Variants in RPAIN observed in about 807,000 individuals in gnomAD.
RPAIN encodes the protein RPA interacting protein.
RPAIN carries 29 observed loss-of-function variants against 30.5 expected under a neutral mutation model. The ratio of observed to expected loss-of-function variants is 0.95; its 90% CI spans 0.71 to 1.30. The LOEUF (loss-of-function observed/expected upper bound fraction) is 1.30, where lower values mean the gene tolerates loss of function less well. Among genes scored for constraint, RPAIN ranks in the 50% most tolerant of loss-of-function variants. The pLI is 0.00. For synonymous variants in RPAIN, 101 were observed against 93.5 expected, an observed-to-expected ratio of 1.08 and a Z score of -0.46; for missense variants, 247 against 264.7, an observed-to-expected ratio of 0.93 and a Z score of 0.46.
intron 6 of RPAIN, 56 bp from the exon 7 acceptor site, chr17:5,432,486 A>C: frequency 1.2e-5 from 18 of 1,492,060 alleles, no homozygotes; most frequent in Non-Finnish European, 1.7e-5. Flanking sequence ...CTTTTATCAG[A>C]TATCTTTCAT....
intron 3 of RPAIN, 87 bp from the exon 4 acceptor site, chr17:5,425,884 G>A: frequency 3.7e-6 from 3 of 815,768 alleles, no homozygotes; most frequent in Non-Finnish European, 6.0e-6. Context: ...TCCCTCGTGT[G>A]AAGGAAGCCT....
At chr17:5,420,927 A>ATGTTCTG (rs1914727436) in intron 1 of RPAIN, among the ~76,000 whole-genome samples, 1 of 152,228 alleles carries the variant, frequency 6.6e-6, no homozygotes, top group South Asian at 2.1e-4. Context: ...TTGGGGGACA[A>ATGTTCTG]AACCTCCCTG....
intron 1 of RPAIN, 148 bp from the exon 2 acceptor site, chr17:5,421,148 G>A (rs771324249): frequency 5.6e-6 from 4 of 711,398 alleles, no homozygotes; most frequent in Admixed American, 3.0e-5. Flanking sequence ...TCTCTACAGA[G>A]GAATATGCAA....
intron 1 of RPAIN, 109 bp downstream of exon 1, chr17:5,420,400 G>T: frequency 1.1e-6 from 1 of 942,102 alleles, no homozygotes. Context: ...CAGCGCGCCT[G>T]GTCTGGTCAA....
chr17:5,421,223 A>G, intron 1 of RPAIN, 73 bp from the exon 2 acceptor site: 1 of 1,439,200 alleles, frequency 6.9e-7, no homozygotes, highest in Non-Finnish European at 9.4e-7. Flanking sequence ...ATGTTTTCTC[A>G]ACTAATGTAA....
At position 5,432,797 on chromosome 17, in the gene RPAIN, TTA is replaced by T. The variant is rs1916115366; in HGVS notation, c.*228_*229del. 1.3e-6 allele frequency: 1 copy of T among 799,148 alleles called. No individual in the cohort carries two copies. Among genetic ancestry groups the T allele is most frequent in the African/African-American group, 1.7e-5 (1 of 57,474 alleles). 49.5% of individuals were successfully genotyped at this position (799,148 alleles called of 1,614,324 possible). A position where few individuals can be genotyped will look rare whatever the true frequency, so the allele number is the denominator to read the frequency against. ...CTGCCTTGGAGGAGATAAACCAATT[TTA>T]TGTCTATCATGTTATACAAAAATCT... is the stretch of plus-strand genomic sequence containing the variant. On this transcript the variant is annotated 3_prime_UTR_variant, in exon 7 of 7. Coordinates refer to ENST00000381209, the MANE Select transcript of RPAIN (RefSeq NM_001033002.4).
rs1235989929 is a variant in RPAIN at position 5,432,863 on chromosome 17, T to C, written c.*292T>C. 3.0e-6 allele frequency: 3 copies of C among 993,048 alleles called. No homozygotes were observed. The highest frequency in any genetic ancestry group is 4.3e-6 in the Non-Finnish European group (3 of 705,650). The allele number at this position is 993,048 out of a possible 1,614,324, so 61.5% of individuals were successfully genotyped here. On this transcript the variant is annotated 3_prime_UTR_variant, in exon 7 of 7. Coordinates refer to ENST00000381209, the MANE Select transcript of RPAIN (RefSeq NM_001033002.4). Reference sequence around the variant, plus strand: ...TTGTACAGAAAAAAATGATAATAAATGAGAACACAAAACATATAATTTAAA... The same window carrying C: ...TTGTACAGAAAAAAATGATAATAAACGAGAACACAAAACATATAATTTAAA...
chr17:5,432,361 CAG>C (rs923463822), intron 6 of RPAIN, 179 bp from the exon 7 acceptor site: 17 of 607,510 alleles, frequency 2.8e-5, no homozygotes, highest in African/African-American at 7.4e-5. Context: ...GGCTGCAGGA[CAG>C]AGGTCCAGCA....
At chr17:5,421,020 T>C (rs1914742319) in intron 1 of RPAIN, among the ~76,000 whole-genome samples, 2 of 152,210 alleles carry the variant, frequency 1.3e-5, no homozygotes, top group African/African-American at 4.8e-5. Flanking sequence ...ATAAATGTTC[T>C]GTAATAGGAC....
In RPAIN at chr17:5,421,167, C is replaced by G; in HGVS notation, c.82-129C>G. The G allele has an allele frequency of 6.1e-6, 5 of 823,168 alleles. No homozygotes were observed. In the South Asian group the frequency reaches 9.5e-5, roughly 16 times the overall value. 51.0% of individuals were successfully genotyped at this position (823,168 alleles called of 1,614,324 possible). A position where few individuals can be genotyped will look rare whatever the true frequency, so the allele number is the denominator to read the frequency against. Reference sequence around the variant, plus strand: ...TACAGAGGAATATGCAAAAGTAACACTAGTTAGTATTATCATTGAAATTTT... The same window carrying G: ...TACAGAGGAATATGCAAAAGTAACAGTAGTTAGTATTATCATTGAAATTTT... On this transcript the variant is annotated intron_variant, in intron 1 of 6. Transcript: ENST00000381209.
intron 6 of RPAIN, chr17:5,429,820 A>C: frequency 1.1e-6 from 1 of 941,462 alleles, no homozygotes; most frequent in Non-Finnish European, 1.3e-6. Flanking sequence ...ACAAATATTT[A>C]CCAAGCACTA....
At chr17:5,432,485 G>A in intron 6 of RPAIN, 57 bp from the exon 7 acceptor site, 5 of 1,490,888 alleles carry the variant, frequency 3.4e-6, no homozygotes, top group Non-Finnish European at 4.7e-6. Context: ...ACTTTTATCA[G>A]ATATCTTTCA....
At position 5,426,040 on chromosome 17, in the gene RPAIN, C is replaced by G; in HGVS notation, c.383C>G (p.Ala128Gly). 6.2e-6 allele frequency: 10 copies of G among 1,613,848 alleles called. No individual in the cohort carries two copies. The highest frequency in any genetic ancestry group is 1.1e-5 in the South Asian group (1 of 91,004). Residue 128 changes from alanine to glycine, a missense_variant, in exon 4 of 7, where the codon GCT (alanine) becomes GGT (glycine). Physicochemically the swap from Ala to Gly is moderately conservative, Grantham distance 60. Transcript: ENST00000381209. ...FDEKCLSIML[A>G]EWEANPLICP... ...GAAAAGTGTCTCAGCATCATGCTGG[C>G]TGAGTGGGAGGCAAACCCACTCATC...
intron 6 of RPAIN, 61 bp from the exon 7 acceptor site, chr17:5,432,461 TCTCATTGATTACAACTTTTA>T: frequency 7.6e-7 from 1 of 1,322,644 alleles, no homozygotes; most frequent in Non-Finnish European, 1.1e-6. Context: ...TGTGTAGAAT[TCTCATTGATTACAACTTTTA>T]TCAGATATCT....
chr17:5,432,636 T>C lies in RPAIN; in HGVS notation c.*65T>C, dbSNP rs951986046. The C allele has an allele frequency of 3.6e-6, 5 of 1,392,300 alleles. No homozygotes were observed. Among genetic ancestry groups the C allele is most frequent in the African/African-American group, 1.4e-5 (1 of 69,992 alleles). 86.2% of individuals were successfully genotyped at this position (1,392,300 alleles called of 1,614,324 possible). ...AACTCATTCCCTCTGAGGAGCCTTG[T>C]ACATACAAGCCTTTTATTTATAACT... On this transcript the variant is annotated 3_prime_UTR_variant, in exon 7 of 7. Coordinates refer to ENST00000381209, the MANE Select transcript of RPAIN (RefSeq NM_001033002.4).
chr17:5,426,337 C>T (rs753778716), intron 5 of RPAIN, 38 bp downstream of exon 5: 4 of 1,542,574 alleles, frequency 2.6e-6, no homozygotes, highest in Middle Eastern at 1.7e-4. Context: ...ATACTTCTTC[C>T]CACATGGATC....
intron 6 of RPAIN, chr17:5,431,836 CAT>C (rs889311123): frequency 8.7e-6 from 3 of 343,148 alleles, no homozygotes; most frequent in African/African-American, 4.3e-5. Context: ...GAAAGCCAAA[CAT>C]ATTACCTGTG....
Position 5,425,987 on chromosome 17 carries a change from CGA to C in RPAIN, c.332_333del (p.Glu111ValfsTer2). The C allele has an allele frequency of 3.1e-6, 5 of 1,613,310 alleles. No homozygotes were observed. In the South Asian group the frequency reaches 5.5e-5, roughly 18 times the overall value. On this transcript the variant is annotated frameshift_variant, in exon 4 of 7. Transcript: ENST00000381209. LOFTEE classifies it high-confidence loss of function. ...LINQEQSIIS[E>X]YEKSLQFDEK... ...GCCTTGCAGAGCAGTCCATCATCAG[CGA>C]GTATGAGAAGAGCTTGCAGTTTGAT...
chr17:5,432,392 C>A, intron 6 of RPAIN, 150 bp from the exon 7 acceptor site: 1 of 695,444 alleles, frequency 1.4e-6, no homozygotes, highest in Non-Finnish European at 2.5e-6. Flanking sequence ...GAGGGGCGGT[C>A]ATCATGACAA....
Sources: gnomAD v4.1 joint callset for allele counts (sites outside exome capture counted in the v4.1 genomes callset) on GRCh38, gnomAD v4.1.1 for gene constraint, MANE v1.5 for transcripts, NCBI Gene and HGNC (gene_info 2026-07-23, HGNC 2026-07-21) for gene names.